CCDC141: variants seen among roughly 807,000 people sequenced by gnomAD.
CCDC141 encodes coiled-coil domain containing 141.
Under a neutral mutation model 181.0 loss-of-function variants are expected in CCDC141, and 168 were observed. The ratio of observed to expected loss-of-function variants is 0.93; its 90% confidence interval spans 0.82 to 1.05. The LOEUF (loss-of-function observed/expected upper bound fraction) is 1.05, where lower values mean the gene tolerates loss of function less well. CCDC141 is among the 50% of genes least tolerant of loss of function. The pLI, the probability that CCDC141 is intolerant of heterozygous loss-of-function variation, is 0.00. For synonymous variants in CCDC141, 666 were observed against 642.3 expected (o/e 1.04, Z -0.56); for missense variants, 1,902 against 1,788.5 (o/e 1.06, Z -1.14).
Position 178,831,118 on chromosome 2 carries a change from A to C in CCDC141, c.*3055T>G, listed in dbSNP as rs552342519. On this transcript the variant is annotated 3_prime_UTR_variant, in exon 24 of 24. Transcript: ENST00000443758. ...CATTATTGATTAATATAGCTAAAAAATTTTCTGCATCTTGTTCAAATATTT... is the reference window on the plus strand; with the variant it reads ...CATTATTGATTAATATAGCTAAAAACTTTTCTGCATCTTGTTCAAATATTT... The C allele has an allele frequency of 3.2e-4, 49 of 152,230 alleles. 1 individual carries two copies. Among genetic ancestry groups the C allele is most frequent in the African/African-American group, 1.2e-3 (49 of 41,536 alleles). The allele number at this position is 152,230 out of a possible 1,614,324, so 9.4% of individuals were successfully genotyped here. A position where few individuals can be genotyped will look rare whatever the true frequency, so the allele number is the denominator to read the frequency against.
At chr2:178,999,857 C>G (rs1413223115) in intron 2 of CCDC141, among the ~76,000 whole-genome samples, 2 of 152,102 alleles carry the variant, frequency 1.3e-5, no homozygotes, top group Admixed American at 1.3e-4. Flanking sequence ...TGACCCTCAT[C>G]CTCCCCTCTT....
At chr2:179,039,082 A>T (rs2043223270) in intron 2 of CCDC141, among the ~76,000 whole-genome samples, 1 of 152,186 alleles carries the variant, frequency 6.6e-6, no homozygotes, top group South Asian at 2.1e-4. Context: ...CTTTTTCATT[A>T]TAAATGACTT....
chr2:178,890,031 C>T (rs2093445992), intron 8 of CCDC141, among the ~76,000 whole-genome samples: 1 of 152,064 alleles, frequency 6.6e-6, no homozygotes, highest in Admixed American at 6.6e-5. Flanking sequence ...TTTAAAAGCC[C>T]AGCTTTCCTA....
chr2:178,846,465 C>T (rs920914061), intron 21 of CCDC141, among the ~76,000 whole-genome samples: 15 of 152,270 alleles, frequency 9.9e-5, no homozygotes, highest in Admixed American at 7.8e-4. Flanking sequence ...GGAATAAAAT[C>T]CTTAGATGAG....
At chr2:178,816,275 C>G in the CCDC141 span, among the ~76,000 whole-genome samples, 3 of 152,144 alleles carry the variant, frequency 2.0e-5, no homozygotes, top group Non-Finnish European at 4.4e-5. Flanking sequence ...TTTCAGAATA[C>G]CATATAGTTG....
At chr2:178,823,777 C>A in the CCDC141 span, among the ~76,000 whole-genome samples, 1 of 152,122 alleles carries the variant, frequency 6.6e-6, no homozygotes. Context: ...TTCCCCCCTT[C>A]CAACAGCTAT....
At chr2:178,821,228 C>A in the CCDC141 span, among the ~76,000 whole-genome samples, 1 of 152,020 alleles carries the variant, frequency 6.6e-6, no homozygotes, top group East Asian at 1.9e-4. Flanking sequence ...TTTTAGTGAA[C>A]CATATTTGAA....
chr2:179,044,665 G>A (rs1043015138), intron 2 of CCDC141, among the ~76,000 whole-genome samples: 4 of 152,186 alleles, frequency 2.6e-5, no homozygotes, highest in African/African-American at 9.7e-5. Flanking sequence ...AGGAACTGGG[G>A]AAAAGATGTG....
At chr2:178,838,170 A>G (rs1404446091) in intron 22 of CCDC141, among the ~76,000 whole-genome samples, 1 of 152,214 alleles carries the variant, frequency 6.6e-6, no homozygotes, top group Non-Finnish European at 1.5e-5. Context: ...TTGTTAGGTG[A>G]TTCCTTGGAC....
At chr2:179,013,635 A>G (rs1375234271) in intron 2 of CCDC141, among the ~76,000 whole-genome samples, 2 of 152,148 alleles carry the variant, frequency 1.3e-5, no homozygotes, top group Non-Finnish European at 2.9e-5. Flanking sequence ...ACATGAAACC[A>G]AAAAGGAGCC....
chr2:178,841,055 A>T (rs1258057494), intron 22 of CCDC141, among the ~76,000 whole-genome samples: 1 of 152,126 alleles, frequency 6.6e-6, no homozygotes, highest in Non-Finnish European at 1.5e-5. Context: ...GTATTAGTTC[A>T]TTTTTTAAAA....
intron 23 of CCDC141, among the ~76,000 whole-genome samples, chr2:178,835,007 A>T (rs1319826784): frequency 7.2e-5 from 11 of 152,104 alleles, no homozygotes. Flanking sequence ...GCTACCCCTA[A>T]AAACAAAAAC....
intron 21 of CCDC141, among the ~76,000 whole-genome samples, chr2:178,848,904 TA>T (rs1382669761): frequency 6.6e-6 from 1 of 152,184 alleles, no homozygotes; most frequent in Non-Finnish European, 1.5e-5. Context: ...TTTCATATAT[TA>T]AAAATTTCAG....
In CCDC141 at chr2:178,961,439, G is replaced by A. The variant is rs768770879; in HGVS notation, c.571C>T (p.Leu191Phe). The A allele has an allele frequency of 6.5e-7, 1 of 1,550,250 alleles. No homozygotes were observed. Among genetic ancestry groups the A allele is most frequent in the African/African-American group, 1.4e-5 (1 of 73,046 alleles). The change falls in exon 5 of 24, where the codon CTC becomes TTC. Residue 191 changes from leucine (L) to phenylalanine (F), a missense_variant. By Grantham distance (22) the Leu-to-Phe change is conservative (BLOSUM62 0). Transcript: ENST00000443758. The part of the protein sequence containing the change: ...SLALLNKSQQ[L>F]TDFIEKFKCE... Reference sequence around the variant, plus strand: ...TTGAATTTTTCTATGAAGTCAGTGAGTTGTTGACTTTTGTTTAAAAGGGCT... The same window carrying A: ...TTGAATTTTTCTATGAAGTCAGTGAATTGTTGACTTTTGTTTAAAAGGGCT...
intron 13 of CCDC141, 114 bp downstream of exon 13, chr2:178,872,019 T>G: frequency 1.9e-6 from 2 of 1,031,378 alleles, no homozygotes; most frequent in Non-Finnish European, 2.8e-6. Context: ...AATCACACGA[T>G]ATTTATCCTT....
chr2:178,976,291 C>A (rs1233399196), intron 3 of CCDC141, among the ~76,000 whole-genome samples: 1 of 152,104 alleles, frequency 6.6e-6, no homozygotes, highest in Non-Finnish European at 1.5e-5. Flanking sequence ...AAGTATCAGA[C>A]ATAGAAGCTT....
intron 8 of CCDC141, among the ~76,000 whole-genome samples, chr2:178,889,849 G>A (rs950249752): frequency 2.6e-5 from 4 of 152,136 alleles, no homozygotes; most frequent in African/African-American, 7.2e-5. Context: ...ATTTTAATAC[G>A]TAGAGACAGT....
At chr2:178,977,947 C>T (rs937491000) in intron 3 of CCDC141, among the ~76,000 whole-genome samples, 7 of 152,184 alleles carry the variant, frequency 4.6e-5, no homozygotes, top group Non-Finnish European at 1.0e-4. Context: ...CTTTTTCCTT[C>T]TCTTGTATTG....
rs563565022 is a variant in CCDC141, at chr2:178,863,118, G to T, written c.2724+2649C>A. On this transcript the variant is annotated intron_variant, in intron 17 of 23. Transcript: ENST00000443758. ...TCTGAGTTTAACAAATCATAAGCAT[G>T]TTGGTGCCCAACAAATGAGTCTGTG... Among the ~76,000 whole-genome samples the T allele has an allele frequency of 1.5e-3, 226 of 152,310 alleles. 4 individuals carry two copies. Among genetic ancestry groups the T allele is most frequent in the African/African-American group, 4.9e-3 (205 of 41,578 alleles).
Sources: gnomAD v4.1 joint callset for allele counts (sites outside exome capture counted in the v4.1 genomes callset) on GRCh38, gnomAD v4.1.1 for gene constraint, MANE v1.5 for transcripts, NCBI Gene and HGNC (gene_info 2026-07-23, HGNC 2026-07-21) for gene names.